TRAF3: variants seen among roughly 807,000 people sequenced by gnomAD.
TRAF3 encodes TNF receptor-associated factor 3.
TRAF3 carries 13 observed loss-of-function variants against 62.3 expected under a neutral mutation model. That is an observed-to-expected ratio of 0.21 (90% CI 0.14 to 0.33). The LOEUF (loss-of-function observed/expected upper bound fraction) is 0.33, where lower values mean the gene tolerates loss of function less well. Ranked by LOEUF, TRAF3 falls within the 10% of genes least tolerant of loss-of-function variation. The probability of loss-of-function intolerance (pLI) is 1.00; values close to 1 mark genes in which losing one functional copy is unlikely to be tolerated. For missense variants in TRAF3, 440 were observed against 741.8 expected (o/e 0.59, Z 4.73); for synonymous variants, 269 against 283.4 (o/e 0.95, Z 0.51).
At position 102,866,981 on chromosome 14, in the gene TRAF3, A is replaced by G. The variant is rs1020498989; in HGVS notation, c.-17-3204A>G. Among the ~76,000 whole-genome samples, 49 of 152,294 alleles carry G rather than the reference A, an allele frequency of 3.2e-4. No individual in the cohort carries two copies. The South Asian group carries it at 3.7e-3, about 12-fold the overall frequency. On this transcript the variant is annotated intron_variant, in intron 2 of 11. Transcript: ENST00000392745. Reference sequence around the variant, plus strand: ...ATATGAAAAGATGCCAAACCTTTCTAATCAGGATAAGGGGCATAAAGACCA... The same window carrying G: ...ATATGAAAAGATGCCAAACCTTTCTGATCAGGATAAGGGGCATAAAGACCA...
intron 10 of TRAF3, among the ~76,000 whole-genome samples, chr14:102,899,144 A>C (rs1248416222): frequency 6.6e-6 from 1 of 152,242 alleles, no homozygotes; most frequent in Admixed American, 6.5e-5. Flanking sequence ...CGTGGTCTAC[A>C]CAGAAGGTCC....
At chr14:102,795,155 G>T (rs1470448366) in intron 1 of TRAF3, among the ~76,000 whole-genome samples, 2 of 152,216 alleles carry the variant, frequency 1.3e-5, no homozygotes, top group Non-Finnish European at 2.9e-5. Context: ...TTGACAGTGT[G>T]TGCAGAGGTG....
intron 1 of TRAF3, among the ~76,000 whole-genome samples, chr14:102,814,161 T>G (rs756922831): frequency 6.6e-6 from 1 of 152,230 alleles, no homozygotes; most frequent in Non-Finnish European, 1.5e-5. Flanking sequence ...CACCATTTGT[T>G]GAAGAGACTG....
At chr14:102,881,668 C>T (rs1889077073) in intron 6 of TRAF3, among the ~76,000 whole-genome samples, 1 of 152,154 alleles carries the variant, frequency 6.6e-6, no homozygotes, top group Non-Finnish European at 1.5e-5. Context: ...TTGATCTGTG[C>T]AGCAAACCAC....
In TRAF3 at chr14:102,903,040, T is replaced by G; in HGVS notation, c.961-215T>G. On this transcript the variant is annotated intron_variant, in intron 10 of 11. Coordinates refer to ENST00000392745, the MANE Select transcript of TRAF3 (RefSeq NM_145725.3). The surrounding 1 kb of genome is among the most constrained non-coding windows in gnomAD (Gnocchi z 6.4). ...TTCTTCCATGTGGCTTCATGTCACC[T>G]CGAGTGCTCCCTGCCGGCACAAGCA... The G allele has an allele frequency of 1.5e-6, 1 of 660,248 alleles. No homozygotes were observed. The highest frequency in any genetic ancestry group is 3.8e-4 in the Middle Eastern group (1 of 2,654). The allele number at this position is 660,248 out of a possible 1,614,324, so 40.9% of individuals were successfully genotyped here.
chr14:102,852,930 G>T (rs1887133910), intron 2 of TRAF3, among the ~76,000 whole-genome samples: 1 of 151,856 alleles, frequency 6.6e-6, no homozygotes, highest in Admixed American at 6.6e-5. Context: ...GTCTCACTCT[G>T]TCGCCCAGGC....
chr14:102,846,361 A>G (rs553487514), intron 2 of TRAF3, among the ~76,000 whole-genome samples: 1 of 152,342 alleles, frequency 6.6e-6, no homozygotes, highest in South Asian at 2.1e-4. Flanking sequence ...CAGACACAGC[A>G]ACAACAAAAA....
chr14:102,897,242 T>G lies in TRAF3; in HGVS notation c.820-19T>G, dbSNP rs1566805896. ...GAAAACCACTTTTGGTTACATTAAT[T>G]AAAGAATTTCTTTTTTAGGTTTCCT... is the stretch of plus-strand genomic sequence containing the variant. On this transcript the variant is annotated intron_variant, in intron 9 of 11. Transcript: ENST00000392745. The G allele has an allele frequency of 6.2e-7, 1 of 1,605,618 alleles. No individual in the cohort carries two copies. The highest frequency in any genetic ancestry group is 1.7e-5 in the Admixed American group (1 of 59,522).
intron 1 of TRAF3, among the ~76,000 whole-genome samples, chr14:102,818,014 G>A (rs1392515463): frequency 1.3e-5 from 2 of 152,140 alleles, no homozygotes; most frequent in Non-Finnish European, 1.5e-5. Context: ...GGGGAGCTGC[G>A]GGGTGTCTGG....
At chr14:102,861,922 G>A (rs904459953) in intron 2 of TRAF3, among the ~76,000 whole-genome samples, 10 of 152,148 alleles carry the variant, frequency 6.6e-5, no homozygotes, top group Non-Finnish European at 1.0e-4. Flanking sequence ...TTATAAGAGT[G>A]CTTTATATAT....
chr14:102,794,420 C>T (rs867303429), intron 1 of TRAF3, among the ~76,000 whole-genome samples: 3 of 152,180 alleles, frequency 2.0e-5, no homozygotes, highest in Non-Finnish European at 2.9e-5. Context: ...TGGGTTCAAA[C>T]GATCCTCCCA....
At position 102,897,320 on chromosome 14, in the gene TRAF3, T is replaced by G; in HGVS notation, c.879T>G (p.Asn293Lys). Residue 293 changes from asparagine (N) to lysine (K), a missense_variant, in exon 10 of 12, where the codon AAT becomes AAG. Around this residue, in one of 6 missense-constraint regions of TRAF3, gnomAD observed 255 missense variants for 424.1 expected, o/e 0.60. Coordinates refer to ENST00000392745, the MANE Select transcript of TRAF3 (RefSeq NM_145725.3). ...EKNKSIQSLH[N>K]QICSFEIEIE... ...ACAAGAGCATACAAAGTTTGCACAATCAGATATGTAGCTTTGAAATTGAAA... is the reference window on the plus strand; with the variant it reads ...ACAAGAGCATACAAAGTTTGCACAAGCAGATATGTAGCTTTGAAATTGAAA... 2 of 1,613,940 alleles carry G rather than the reference T, an allele frequency of 1.2e-6. No individual in the cohort carries two copies.
chr14:102,862,433 C>T (rs1887735076), intron 2 of TRAF3, among the ~76,000 whole-genome samples: 1 of 150,542 alleles, frequency 6.6e-6, no homozygotes, highest in Non-Finnish European at 1.5e-5. Flanking sequence ...TATTGGTTGA[C>T]AGATTTTTTT....
chr14:102,871,878 G>T, intron 3 of TRAF3, 39 bp from the exon 4 acceptor site: 1 of 1,602,732 alleles, frequency 6.2e-7, no homozygotes. Context: ...TCAAGAAAGG[G>T]ACTTCCACTC....
intron 2 of TRAF3, among the ~76,000 whole-genome samples, chr14:102,852,832 C>G (rs892308704): frequency 6.6e-6 from 1 of 152,022 alleles, no homozygotes; most frequent in Non-Finnish European, 1.5e-5. Context: ...TCTTGAGTAG[C>G]TAGGACTCAC....
Position 102,903,475 on chromosome 14 carries a change from C to CG in TRAF3, c.1135+49dup, listed in dbSNP as rs1428158251. Reference sequence around the variant, plus strand: ...GGGCCAGCAGTGTGCATCTGGGCCCCGGGCGAGTGCTGGGGCGGGGTCCGT... The same window carrying CG: ...GGGCCAGCAGTGTGCATCTGGGCCCCGGGGCGAGTGCTGGGGCGGGGTCCGT... On this transcript the variant is annotated intron_variant, in intron 11 of 11. Coordinates refer to ENST00000392745, the MANE Select transcript of TRAF3 (RefSeq NM_145725.3). The surrounding 1 kb of genome is among the most constrained non-coding windows in gnomAD (Gnocchi z 6.4). 1 of 1,611,530 alleles carries CG rather than the reference C, an allele frequency of 6.2e-7. No homozygotes were observed. The highest frequency in any genetic ancestry group is 1.3e-5 in the African/African-American group (1 of 74,882).
At chr14:102,858,036 A>C (rs1462253769) in intron 2 of TRAF3, among the ~76,000 whole-genome samples, 1 of 152,232 alleles carries the variant, frequency 6.6e-6, no homozygotes, top group Non-Finnish European at 1.5e-5. Context: ...GTTTTAAGCA[A>C]AAAGTCAGAA....
At chr14:102,841,819 A>G (rs959503393) in intron 2 of TRAF3, among the ~76,000 whole-genome samples, 18 of 152,246 alleles carry the variant, frequency 1.2e-4, no homozygotes, top group Non-Finnish European at 2.2e-4. Flanking sequence ...TTAGCACACA[A>G]ACATTAAAAT....
intron 2 of TRAF3, among the ~76,000 whole-genome samples, chr14:102,842,404 A>G (rs1290293449): frequency 6.6e-6 from 1 of 151,768 alleles, no homozygotes; most frequent in Non-Finnish European, 1.5e-5. Context: ...AAAAGAGTTC[A>G]TGAGCCTGAA....
Sources: gnomAD v4.1 joint callset for allele counts (sites outside exome capture counted in the v4.1 genomes callset) on GRCh38, gnomAD v4.1.1 for gene constraint, gnomAD v4.1.1 regional missense constraint, Gnocchi (gnomAD v3.1) non-coding constraint, MANE v1.5 for transcripts, NCBI Gene and HGNC (gene_info 2026-07-23, HGNC 2026-07-21) for gene names.